The following CYP4F11 variants were observed in gnomAD, a reference collection of about 807,000 sequenced individuals.
The protein encoded by CYP4F11 is cytochrome P450 family 4 subfamily F member 11.
Under a neutral mutation model 62.2 loss-of-function variants are expected in CYP4F11, and 79 were observed. The observed-to-expected ratio is 1.27, with a 90% CI of 1.06 to 1.53. CYP4F11 has a LOEUF of 1.53. Among genes scored for constraint, CYP4F11 ranks in the 40% most tolerant of loss-of-function variants. The pLI is 0.00. For synonymous variants in CYP4F11, 290 were observed against 263.7 expected (o/e 1.10, Z -0.97); for missense variants, 777 against 680.5 (o/e 1.14, Z -1.58).
chr19:15,922,154 G>C lies in CYP4F11; in HGVS notation c.998C>G (p.Thr333Arg). The change falls in exon 8 of 12, where the codon ACA (threonine) becomes AGA (arginine). Residue 333 changes from threonine (T) to arginine (R), a missense_variant. Thr to Arg is a moderately conservative substitution (Grantham distance 71). Transcript: ENST00000402119. ...DTFMFEGHDT[T>R]ASGLSWVLYH... ...TAGGACCCAGGAGAGACCACTGGCT[G>C]TAGTGTCATGGCCTGAGGGGCAGCC... The C allele has an allele frequency of 6.2e-7, 1 of 1,612,432 alleles. No homozygotes were observed. Among genetic ancestry groups the C allele is most frequent in the Middle Eastern group, 1.7e-4 (1 of 6,046 alleles).
At chr19:15,934,684 G>A (rs556521740), upstream of CYP4F11, 5 of 365,332 alleles carry the variant, frequency 1.4e-5, no homozygotes, top group South Asian at 1.7e-4. Flanking sequence ...GTTGCCAGGG[G>A]TCCAGTTACC....
Position 15,912,680 on chromosome 19 carries a change from A to AAAAAAAAAATATAT in CYP4F11, c.*1051_*1052insATATATTTTTTTTT, listed in dbSNP as rs59091525. 3 of 66,172 alleles carry AAAAAAAAAATATAT rather than the reference A, an allele frequency of 4.5e-5. No individual in the cohort carries two copies. Among genetic ancestry groups the AAAAAAAAAATATAT allele is most frequent in the African/African-American group, 1.9e-4 (3 of 15,510 alleles). 4.1% of individuals were successfully genotyped at this position (66,172 alleles called of 1,614,324 possible). Reference sequence around the variant, plus strand: ...TCACCATCCTCAGGAAAAAAAAAAAAATATATATATATATATATGTGTGTG... The same window carrying AAAAAAAAAATATAT: ...TCACCATCCTCAGGAAAAAAAAAAAAAAAAAAAAATATATATATATATATATATATATGTGTGTG... On this transcript the variant is annotated 3_prime_UTR_variant, in exon 12 of 12. Coordinates refer to ENST00000402119, the MANE Select transcript of CYP4F11 (RefSeq NM_021187.4).
intron 8 of CYP4F11, among the ~76,000 whole-genome samples, chr19:15,917,839 A>G (rs949631442): frequency 1.3e-5 from 2 of 152,218 alleles, no homozygotes; most frequent in African/African-American, 4.8e-5. Context: ...AACGTTCACT[A>G]AAAGAAGAAA....
rs1318377123 is a variant in CYP4F11 at position 15,913,651 on chromosome 19, G to A, written c.*81C>T. 7.7e-6 allele frequency: 12 copies of A among 1,554,942 alleles called. No homozygotes were observed. The East Asian group carries it at 2.3e-4, about 29-fold the overall frequency. Reference sequence around the variant, plus strand: ...ACCAGTCCCCAGGAGCCCCATGCTGGCTGTCAACGAGGCTCAAGCAGAGGT... The same window carrying A: ...ACCAGTCCCCAGGAGCCCCATGCTGACTGTCAACGAGGCTCAAGCAGAGGT... On this transcript the variant is annotated 3_prime_UTR_variant, in exon 12 of 12. Transcript: ENST00000402119.
Position 15,913,800 on chromosome 19 carries a change from C to T in CYP4F11, c.1507G>A (p.Glu503Lys), listed in dbSNP as rs1213351032. The T allele has an allele frequency of 5.0e-6, 8 of 1,614,220 alleles. No homozygotes were observed. The highest frequency in any genetic ancestry group is 4.5e-5 in the East Asian group (2 of 44,884). Residue 503 changes from glutamate (E) to lysine (K), a missense_variant, in exon 12 of 12, where the codon GAG (glutamate) becomes AAG (lysine). By Grantham distance (56) the Glu-to-Lys change is moderately conservative. Transcript: ENST00000402119. ...CCACCCTCTGCGCGCAATATCAGCT[C>T]GGGTTTCCTGCGGGGTTCAGTGTGG... ...PTHTEPRRKP[E>K]LILRAEGGLW...
rs202230327 is a variant in CYP4F11 at position 15,929,469 on chromosome 19, T to C, written c.331A>G (p.Thr111Ala). The C allele has an allele frequency of 6.2e-7, 1 of 1,613,940 alleles. No individual in the cohort carries two copies. Among genetic ancestry groups the C allele is most frequent in the Admixed American group, 1.7e-5 (1 of 60,014 alleles). ...TCTGCACGGGTACCTGAGGCACTGG[T>C]GATAGGCCGGATAATGTCAGGGTGG... is the stretch of plus-strand genomic sequence containing the variant. ...LCHPDIIRPI[T>A]SASAAVAPKD... Residue 111 changes from threonine (T) to alanine (A), a missense_variant, in exon 2 of 12, where the codon ACC becomes GCC. Transcript: ENST00000402119.
At position 15,928,631 on chromosome 19, in the gene CYP4F11, G is replaced by T. The variant is rs187713423; in HGVS notation, c.343+826C>A. Reference sequence around the variant, plus strand: ...ACTGAAAGAGACTTCAGCAGCCAGAGAGAGCTGAGGACCTGCCCAGAGTCA... The same window carrying T: ...ACTGAAAGAGACTTCAGCAGCCAGATAGAGCTGAGGACCTGCCCAGAGTCA... On this transcript the variant is annotated intron_variant, in intron 2 of 11. Transcript: ENST00000402119. Among the ~76,000 whole-genome samples the T allele has an allele frequency of 2.4e-4, 37 of 152,330 alleles. No homozygotes were observed. The East Asian group carries it at 7.1e-3, about 29-fold the overall frequency.
chr19:15,915,728 C>G (rs1020576560), intron 8 of CYP4F11, among the ~76,000 whole-genome samples: 1 of 151,446 alleles, frequency 6.6e-6, no homozygotes, highest in East Asian at 2.0e-4. Flanking sequence ...TAGGGTTATC[C>G]CTACTCTGAA....
intron 1 of CYP4F11, among the ~76,000 whole-genome samples, chr19:15,931,612 A>G (rs1287740542): frequency 0.012 from 1,072 of 87,532 alleles, 33 homozygotes; most frequent in Non-Finnish European, 0.018. Context: ...GAGGAGAGGA[A>G]TGAGTGAGCG....
chr19:15,913,834 G>A lies in CYP4F11; in HGVS notation c.1473C>T (p.Ile491=), dbSNP rs868098868. The A allele has an allele frequency of 1.9e-6, 3 of 1,614,180 alleles. No individual in the cohort carries two copies. Among genetic ancestry groups the A allele is most frequent in the South Asian group, 1.1e-5 (1 of 91,086 alleles). The change falls in exon 12 of 12, where the codon ATC becomes ATT. Residue 491 remains isoleucine (I), a synonymous_variant. Coordinates refer to ENST00000402119, the MANE Select transcript of CYP4F11 (RefSeq NM_021187.4). ...VLALTLLHFR[I]LPTHTEPRRK... is the part of the protein sequence containing the mutation. ...TGCGGGGTTCAGTGTGGGTCGGCAGGATGCGGAAGTGCAGCAGGGTGAGCG... is the reference window on the plus strand; with the variant it reads ...TGCGGGGTTCAGTGTGGGTCGGCAGAATGCGGAAGTGCAGCAGGGTGAGCG...
intron 2 of CYP4F11, 194 bp from the exon 3 acceptor site, chr19:15,927,677 A>G (rs944634980): frequency 1.5e-6 from 1 of 661,348 alleles, no homozygotes; most frequent in East Asian, 2.7e-5. Flanking sequence ...GCGACAGAGT[A>G]GAGCAATAAC....
chr19:15,922,263 G>A, intron 7 of CYP4F11, 97 bp from the exon 8 acceptor site: 1 of 1,600,674 alleles, frequency 6.2e-7, no homozygotes. Flanking sequence ...AATGTAGGGA[G>A]GAGGAGGATG....
At chr19:15,919,409 T>C (rs886770351) in intron 8 of CYP4F11, among the ~76,000 whole-genome samples, 2 of 132,584 alleles carry the variant, frequency 1.5e-5, no homozygotes, top group African/African-American at 5.7e-5. Context: ...AAAGGATGGA[T>C]GGACGGATGG....
chr19:15,925,729 T>C (rs1028513517), intron 4 of CYP4F11, among the ~76,000 whole-genome samples: 1 of 142,820 alleles, frequency 7.0e-6, no homozygotes, highest in Admixed American at 7.1e-5. Flanking sequence ...TACATATATG[T>C]ACACACACAC....
chr19:15,914,495 T>C, intron 10 of CYP4F11, 107 bp downstream of exon 10: 2 of 1,551,360 alleles, frequency 1.3e-6, no homozygotes, highest in Non-Finnish European at 1.8e-6. Context: ...GGCAGATGTG[T>C]CTCCATTGAG....
intron 8 of CYP4F11, among the ~76,000 whole-genome samples, chr19:15,916,463 G>C (rs1022526517): frequency 3.9e-5 from 6 of 152,044 alleles, no homozygotes; most frequent in African/African-American, 1.2e-4. Flanking sequence ...CACAACCAAA[G>C]AAACAATCAG....
intron 1 of CYP4F11, among the ~76,000 whole-genome samples, chr19:15,931,543 GGGAGAGGAA>G (rs2089717969): frequency 1.5e-5 from 1 of 68,762 alleles, no homozygotes; most frequent in Non-Finnish European, 3.1e-5. Flanking sequence ...TGAGTGAGCG[GGGAGAGGAA>G]TGAGTGAGCG....
At chr19:15,916,426 G>A (rs193186008) in intron 8 of CYP4F11, among the ~76,000 whole-genome samples, 6 of 151,968 alleles carry the variant, frequency 3.9e-5, no homozygotes, top group East Asian at 1.9e-4. Flanking sequence ...TAAAGAAATC[G>A]GTCCTAATTA....
rs867911629 is a variant in CYP4F11, at chr19:15,931,749, G to A, written c.199-2148C>T. Among the ~76,000 whole-genome samples, 159 of 44,858 alleles carry A rather than the reference G, an allele frequency of 3.5e-3. 3 individuals are homozygous for A. The highest frequency in any genetic ancestry group is 6.9e-3 in the East Asian group (8 of 1,166). 29.4% of individuals were successfully genotyped at this position (44,858 alleles called of 152,430 possible). On this transcript the variant is annotated intron_variant, in intron 1 of 11. Transcript: ENST00000402119. Reference sequence around the variant, plus strand: ...GGAGAGGAATGAGTGAGTGAGGAGAGGAATGAGTGAGTGAGGAGAGGAATG... The same window carrying A: ...GGAGAGGAATGAGTGAGTGAGGAGAAGAATGAGTGAGTGAGGAGAGGAATG...
Sources: allele counts gnomAD v4.1 joint callset (sites outside exome capture counted in the v4.1 genomes callset), GRCh38; gene constraint gnomAD v4.1.1; transcripts MANE v1.5; gene names NCBI Gene and HGNC (gene_info 2026-07-23, HGNC 2026-07-21).